Variants in CCNT2 observed in about 807,000 individuals in gnomAD.
CCNT2 encodes cyclin T2, also known as cyclin-T2.
In CCNT2, 18 loss-of-function variants were observed where a neutral mutation model predicts 70.0. The ratio of observed to expected loss-of-function variants is 0.26; its 90% CI spans 0.18 to 0.38. The LOEUF is 0.38. Among genes scored for constraint, CCNT2 ranks in the 10% least tolerant of loss-of-function variants. CCNT2 has a pLI of 1.00. For missense variants in CCNT2, 734 were observed against 890.2 expected, an observed-to-expected ratio of 0.82 and a Z score of 2.23; for synonymous variants, 334 against 313.3, an observed-to-expected ratio of 1.07 and a Z score of -0.70.
At position 134,954,155 on chromosome 2, in the gene CCNT2, G is replaced by T. The variant is rs779599967; in HGVS notation, c.1700G>T (p.Arg567Leu). ...AAGCACAAGGAGCATCCTTCAAGCC[G>T]CCACCACACCAGCAGCCACAAGCAT... ...KEKHKEHPSS[R>L]HHTSSHKHSH... The change falls in exon 9 of 9, where the codon CGC becomes CTC. Residue 567 changes from arginine (R) to leucine (L), a missense_variant. By Grantham distance (102) the Arg-to-Leu change is moderately radical. Around this residue, in one of 3 missense-constraint regions of CCNT2, gnomAD observed 532 missense variants for 556.9 expected, o/e 0.96. Transcript: ENST00000264157. The T allele has an allele frequency of 1.2e-6, 2 of 1,614,114 alleles. No individual in the cohort carries two copies. The highest frequency in any genetic ancestry group is 1.7e-6 in the Non-Finnish European group (2 of 1,180,008).
chr2:134,939,734 G>A (rs1681430497), intron 4 of CCNT2, among the ~76,000 whole-genome samples: 1 of 152,132 alleles, frequency 6.6e-6, no homozygotes, highest in South Asian at 2.1e-4. Context: ...CCAAAGTGCT[G>A]GGATTACAGG....
intron 2 of CCNT2, among the ~76,000 whole-genome samples, chr2:134,930,292 G>A (rs1680646085): frequency 6.6e-6 from 1 of 152,192 alleles, no homozygotes; most frequent in African/African-American, 2.4e-5. Flanking sequence ...CGTTCATGGT[G>A]TAGAATGTGT....
intron 2 of CCNT2, among the ~76,000 whole-genome samples, chr2:134,935,883 T>C (rs1681109988): frequency 6.6e-6 from 1 of 152,156 alleles, no homozygotes; most frequent in Non-Finnish European, 1.5e-5. Flanking sequence ...TACATGCTTA[T>C]ACCCTGGTGG....
Position 134,954,772 on chromosome 2 carries a change from T to C in CCNT2, c.*124T>C. The C allele has an allele frequency of 1.6e-6, 1 of 625,606 alleles. No individual in the cohort carries two copies. Among genetic ancestry groups the C allele is most frequent in the Non-Finnish European group, 2.8e-6 (1 of 352,194 alleles). The allele number at this position is 625,606 out of a possible 1,614,324, so 38.8% of individuals were successfully genotyped here. ...CTGCCACTGCTTCAATATTTGTAAGTGCTGCTTTATTCTTCATTCTGAAAA... is the reference window on the plus strand; with the variant it reads ...CTGCCACTGCTTCAATATTTGTAAGCGCTGCTTTATTCTTCATTCTGAAAA... On this transcript the variant is annotated 3_prime_UTR_variant, in exon 9 of 9. Transcript: ENST00000264157.
At chr2:134,925,389 A>G (rs535018004) in intron 2 of CCNT2, among the ~76,000 whole-genome samples, 6 of 152,252 alleles carry the variant, frequency 3.9e-5, no homozygotes, top group South Asian at 4.2e-4. Context: ...TTTTTTAAGA[A>G]TATTCACAGA....
chr2:134,930,807 A>G (rs983042215), intron 2 of CCNT2, among the ~76,000 whole-genome samples: 2 of 152,010 alleles, frequency 1.3e-5, no homozygotes. Context: ...TTTCTTCTGT[A>G]ACTTGTGTTC....
intron 2 of CCNT2, among the ~76,000 whole-genome samples, chr2:134,935,555 C>G (rs1274592899): frequency 6.6e-6 from 1 of 152,196 alleles, no homozygotes; most frequent in Admixed American, 6.5e-5. Context: ...CATAGTGAGG[C>G]TCAAATGTTC....
chr2:134,929,585 G>A (rs1169336523), intron 2 of CCNT2, among the ~76,000 whole-genome samples: 1 of 139,400 alleles, frequency 7.2e-6, no homozygotes, highest in Non-Finnish European at 1.5e-5. Flanking sequence ...TCCAGCCTAG[G>A]TGACAGAGCA....
chr2:134,936,908 T>G lies in CCNT2; in HGVS notation c.308T>G (p.Val103Gly). Residue 103 changes from valine to glycine, a missense_variant, in exon 3 of 9, where the codon GTT (valine) becomes GGT (glycine). Around this residue, in one of 3 missense-constraint regions of CCNT2, gnomAD observed 161 missense variants for 303.8 expected, o/e 0.53. Coordinates refer to ENST00000264157, the MANE Select transcript of CCNT2 (RefSeq NM_058241.3). The stretch of plus-strand genomic sequence containing the variant: ...GAACAGGCTCGAAAACTTGAACATG[T>G]TATCAAAGTAGCACATGCTTGTCTT... ...VEEQARKLEH[V>G]IKVAHACLHP... 6.2e-7 allele frequency: 1 copy of G among 1,611,816 alleles called. No homozygotes were observed. Among genetic ancestry groups the G allele is most frequent in the Non-Finnish European group, 8.5e-7 (1 of 1,177,904 alleles).
At chr2:134,939,458 A>AT (rs1681406100) in intron 4 of CCNT2, among the ~76,000 whole-genome samples, 1 of 151,074 alleles carries the variant, frequency 6.6e-6, no homozygotes, top group African/African-American at 2.4e-5. Flanking sequence ...TTTTTATTTT[A>AT]TTTATTTATT....
chr2:134,931,671 G>C (rs1177224042), intron 2 of CCNT2, among the ~76,000 whole-genome samples: 1 of 152,164 alleles, frequency 6.6e-6, no homozygotes, highest in Non-Finnish European at 1.5e-5. Flanking sequence ...GTGATAATCT[G>C]TTCGAAGGAA....
Position 134,953,837 on chromosome 2 carries a change from T to G in CCNT2, c.1382T>G (p.Val461Gly), listed in dbSNP as rs1262315289. Residue 461 changes from valine (V) to glycine (G), a missense_variant, in exon 9 of 9, where the codon GTA (valine) becomes GGA (glycine). Around this residue, in one of 3 missense-constraint regions of CCNT2, gnomAD observed 532 missense variants for 556.9 expected, o/e 0.96. Coordinates refer to ENST00000264157, the MANE Select transcript of CCNT2 (RefSeq NM_058241.3). ...DVRDHYIAAQVEQQHKQGQSQ... is the reference protein window; with the variant it reads ...DVRDHYIAAQGEQQHKQGQSQ... ...AGGGATCATTATATAGCTGCCCAGG[T>G]AGAACAGCAGCACAAACAAGGGCAG... 6.2e-7 allele frequency: 1 copy of G among 1,614,068 alleles called. No individual in the cohort carries two copies. Among genetic ancestry groups the G allele is most frequent in the Admixed American group, 1.7e-5 (1 of 60,010 alleles).
chr2:134,931,728 A>G (rs994443352), intron 2 of CCNT2, among the ~76,000 whole-genome samples: 4 of 152,094 alleles, frequency 2.6e-5, no homozygotes, highest in South Asian at 2.1e-4. Flanking sequence ...TTCCTGTGCA[A>G]TGTTAATGTT....
At chr2:134,939,818 T>C (rs147147761) in intron 4 of CCNT2, among the ~76,000 whole-genome samples, 25 of 152,332 alleles carry the variant, frequency 1.6e-4, no homozygotes, top group African/African-American at 6.0e-4. Context: ...TGGTCATCCT[T>C]TTCTAAAGGT....
At chr2:134,952,423 G>A (rs930745267) in intron 7 of CCNT2, among the ~76,000 whole-genome samples, 3 of 151,930 alleles carry the variant, frequency 2.0e-5, no homozygotes, top group Non-Finnish European at 4.4e-5. Flanking sequence ...TTCTAATTAA[G>A]CAAGTAAAAT....
At position 134,946,103 on chromosome 2, in the gene CCNT2, A is replaced by G. The variant is rs748976577; in HGVS notation, c.496A>G (p.Ser166Gly). The G allele has an allele frequency of 1.9e-6, 3 of 1,611,688 alleles. No homozygotes were observed. Among genetic ancestry groups the G allele is most frequent in the Non-Finnish European group, 8.5e-7 (1 of 1,179,746 alleles). Reference sequence around the variant, plus strand: ...TCGTTTTTTTTTTTTTCTTACAGCAAGCAAGGATTTGGCACAGACATCCTA... The same window carrying G: ...TCGTTTTTTTTTTTTTCTTACAGCAGGCAAGGATTTGGCACAGACATCCTA... ...VVKCTQLVRA[S>G]KDLAQTSYFM... Residue 166 changes from serine (S) to glycine (G), a missense_variant and splice_region_variant, in exon 6 of 9, where the codon AGC becomes GGC. Coordinates refer to ENST00000264157, the MANE Select transcript of CCNT2 (RefSeq NM_058241.3).
At chr2:134,921,065 A>G (rs1257807240) in intron 2 of CCNT2, among the ~76,000 whole-genome samples, 1 of 152,154 alleles carries the variant, frequency 6.6e-6, no homozygotes, top group African/African-American at 2.4e-5. Flanking sequence ...TGTGCATAAC[A>G]TTTAGGTCAG....
At chr2:134,928,318 G>GAAC (rs1680460815) in intron 2 of CCNT2, among the ~76,000 whole-genome samples, 3 of 103,970 alleles carry the variant, frequency 2.9e-5, no homozygotes, top group Non-Finnish European at 5.6e-5. Flanking sequence ...CATTCTTGTT[G>GAAC]CCCAGGCTGG....
Position 134,954,633 on chromosome 2 carries a change from A to G in CCNT2, c.2178A>G (p.Gln726=), listed in dbSNP as rs1358266574. 7 of 1,595,276 alleles carry G rather than the reference A, an allele frequency of 4.4e-6. No individual in the cohort carries two copies. Among genetic ancestry groups the G allele is most frequent in the Non-Finnish European group, 6.0e-6 (7 of 1,165,142 alleles). The change falls in exon 9 of 9, where the codon CAA becomes CAG. Residue 726 remains glutamine (Q), a synonymous_variant. Transcript: ENST00000264157. ...FDMLDSLLSA[Q]GMNM The stretch of plus-strand genomic sequence containing the variant: ...TGCTGGACTCACTGTTAAGTGCCCA[A>G]GGAATGAACATGTAATAATTTGTTT...
Sources: allele counts gnomAD v4.1 joint callset (sites outside exome capture counted in the v4.1 genomes callset), GRCh38; gene constraint gnomAD v4.1.1; regional missense constraint gnomAD v4.1.1; transcripts MANE v1.5; gene names NCBI Gene and HGNC (gene_info 2026-07-23, HGNC 2026-07-21).